MYCBP: variants seen among roughly 807,000 people sequenced by gnomAD.
The protein encoded by MYCBP is MYC binding protein, also known as C-Myc-binding protein.
MYCBP carries 5 observed loss-of-function variants against 16.8 expected under a neutral mutation model. The ratio of observed to expected loss-of-function variants is 0.30; its 90% CI spans 0.16 to 0.63. The LOEUF (loss-of-function observed/expected upper bound fraction) is 0.63. MYCBP is among the 20% of genes least tolerant of loss of function. The pLI is 0.83. For synonymous variants in MYCBP, 35 were observed against 43.7 expected (o/e 0.80, Z 0.79); for missense variants, 103 against 121.8 (o/e 0.85, Z 0.73).
At chr1:38,871,453 C>CA (rs1291936781) in intron 2 of MYCBP, among the ~76,000 whole-genome samples, 1 of 115,274 alleles carries the variant, frequency 8.7e-6, no homozygotes, top group Non-Finnish European at 1.8e-5. Context: ...TTTTTGGAGA[C>CA]AGAGTGTCAC....
chr1:38,873,211 G>A, intron 1 of MYCBP, 80 bp downstream of exon 1: 5 of 1,572,878 alleles, frequency 3.2e-6, no homozygotes, highest in Non-Finnish European at 4.3e-6. Context: ...AAACCTGCGC[G>A]CGCGACCCCA....
chr1:38,870,062 T>C (rs772160007), intron 2 of MYCBP, among the ~76,000 whole-genome samples: 4 of 145,522 alleles, frequency 2.7e-5, no homozygotes, highest in African/African-American at 7.6e-5. Context: ...CCCAGCTACT[T>C]GGGAGGCTGA....
intron 2 of MYCBP, among the ~76,000 whole-genome samples, chr1:38,868,785 A>G (rs555685701): frequency 2.0e-5 from 3 of 152,230 alleles, no homozygotes; most frequent in South Asian, 2.1e-4. Context: ...GGGCGGCTGT[A>G]GTCCCAGCTA....
intron 1 of MYCBP, 49 bp downstream of exon 1, chr1:38,873,242 G>C: frequency 6.3e-7 from 1 of 1,595,114 alleles, no homozygotes; most frequent in Non-Finnish European, 8.5e-7. Context: ...GAGCCGACCA[G>C]CGGCTTGCTA....
At position 38,873,337 on chromosome 1, in the gene MYCBP, G is replaced by T. The variant is rs1239698072; in HGVS notation, c.-32C>A. ...AGCGGCAGCGGCGTAGCTGGCGCCG[G>T]AGACCGCGACTGGCGGGTTGGGAGC... On this transcript the variant is annotated 5_prime_UTR_variant, in exon 1 of 5. Coordinates refer to ENST00000397572, the MANE Select transcript of MYCBP (RefSeq NM_012333.5). 1.9e-6 allele frequency: 3 copies of T among 1,598,622 alleles called. No homozygotes were observed. In the African/African-American group the frequency reaches 4.0e-5, roughly 21 times the overall value.
chr1:38,864,575 G>T lies in MYCBP; in HGVS notation c.*95C>A. On this transcript the variant is annotated 3_prime_UTR_variant, in exon 5 of 5. Transcript: ENST00000397572. ...TAGGTGAATTAAACATATTAAAAGA[G>T]TTCTATAGCATCTGTTCAGAAAAGA... 1 of 1,245,694 alleles carries T rather than the reference G, an allele frequency of 8.0e-7. No homozygotes were observed. Among genetic ancestry groups the T allele is most frequent in the Non-Finnish European group, 1.2e-6 (1 of 853,926 alleles). 77.2% of individuals were successfully genotyped at this position (1,245,694 alleles called of 1,614,324 possible). A position where few individuals can be genotyped will look rare whatever the true frequency, so the allele number is the denominator to read the frequency against.
chr1:38,870,201 G>A (rs577256367), intron 2 of MYCBP, among the ~76,000 whole-genome samples: 1 of 148,884 alleles, frequency 6.7e-6, no homozygotes, highest in African/African-American at 2.5e-5. Flanking sequence ...TTAAAAATCA[G>A]CCGGACATGG....
Position 38,873,331 on chromosome 1 carries a change from G to A in MYCBP, c.-26C>T. On this transcript the variant is annotated 5_prime_UTR_variant, in exon 1 of 5. Transcript: ENST00000397572. ...AGTGACAGCGGCAGCGGCGTAGCTG[G>A]CGCCGGAGACCGCGACTGGCGGGTT... is the stretch of plus-strand genomic sequence containing the variant. 1 of 1,599,354 alleles carries A rather than the reference G, an allele frequency of 6.3e-7. No individual in the cohort carries two copies. Among genetic ancestry groups the A allele is most frequent in the South Asian group, 1.1e-5 (1 of 90,554 alleles).
intron 4 of MYCBP, among the ~76,000 whole-genome samples, chr1:38,865,280 T>C (rs1012708417): frequency 2.6e-5 from 4 of 152,234 alleles, no homozygotes; most frequent in African/African-American, 9.6e-5. Flanking sequence ...AACTACCTGT[T>C]GGAGTTGAGA....
chr1:38,868,672 A>G (rs772163714), intron 2 of MYCBP, among the ~76,000 whole-genome samples: 161 of 152,254 alleles, frequency 1.1e-3, no homozygotes, highest in Middle Eastern at 3.4e-3. Context: ...TTGGGAGGCC[A>G]AGGCGGGCAG....
chr1:38,870,919 G>A (rs1642450893), intron 2 of MYCBP, among the ~76,000 whole-genome samples: 2 of 151,202 alleles, frequency 1.3e-5, no homozygotes, highest in South Asian at 4.2e-4. Context: ...ATGTTATTTA[G>A]GAGCCTGGAA....
At chr1:38,868,801 G>A (rs910988797) in intron 2 of MYCBP, among the ~76,000 whole-genome samples, 4 of 152,090 alleles carry the variant, frequency 2.6e-5, no homozygotes, top group Admixed American at 2.0e-4. Flanking sequence ...AGCTACTCAG[G>A]AGGCTGAGGC....
In MYCBP at chr1:38,866,924, T is replaced by C; in HGVS notation, c.223A>G (p.Lys75Glu). 6.3e-7 allele frequency: 1 copy of C among 1,588,848 alleles called. No homozygotes were observed. The highest frequency in any genetic ancestry group is 8.6e-7 in the Non-Finnish European group (1 of 1,169,252). ...TTTTCTTCTACAATAGCTTCATACT[T>C]CTCTTTCATTTCGGCCAGTTCTAGG... ...LRLELAEMKE[K>E]YEAIVEENKK... The change falls in exon 4 of 5, where the codon AAG becomes GAG. Residue 75 changes from lysine to glutamate, a missense_variant. By Grantham distance (56) the Lys-to-Glu change is moderately conservative (BLOSUM62 1). Transcript: ENST00000397572.
intron 2 of MYCBP, among the ~76,000 whole-genome samples, chr1:38,871,914 G>A (rs532483714): frequency 2.5e-4 from 38 of 152,210 alleles, no homozygotes; most frequent in Admixed American, 2.6e-4. Context: ...AGAAATGAAC[G>A]TAAGGAGTTT....
In MYCBP at chr1:38,864,419, T is replaced by G; in HGVS notation, c.*251A>C. ...ATCAGACTAATAAACAGAATGTCTT[T>G]TAAGGTAATGAGTTAGATGGCTGTG... On this transcript the variant is annotated 3_prime_UTR_variant, in exon 5 of 5. Coordinates refer to ENST00000397572, the MANE Select transcript of MYCBP (RefSeq NM_012333.5). The G allele has an allele frequency of 1.9e-6, 1 of 517,258 alleles. No homozygotes were observed. The highest frequency in any genetic ancestry group is 3.5e-6 in the Non-Finnish European group (1 of 287,166). The allele number at this position is 517,258 out of a possible 1,614,324, so 32.0% of individuals were successfully genotyped here.
At chr1:38,868,668 G>A (rs1355821977) in intron 2 of MYCBP, among the ~76,000 whole-genome samples, 1 of 152,138 alleles carries the variant, frequency 6.6e-6, no homozygotes, top group Non-Finnish European at 1.5e-5. Context: ...CACTTTGGGA[G>A]GCCAAGGCGG....
chr1:38,867,718 C>G, intron 2 of MYCBP, 108 bp from the exon 3 acceptor site: 1 of 897,344 alleles, frequency 1.1e-6, no homozygotes, highest in South Asian at 1.4e-5. Flanking sequence ...ACGCTGAGCA[C>G]ATTGCAAAGA....
chr1:38,873,019 C>G lies in MYCBP; in HGVS notation c.87G>C (p.Lys29Asn), dbSNP rs868345677. Residue 29 changes from lysine to asparagine, a missense_variant and splice_region_variant, in exon 2 of 5, where the codon AAG becomes AAC. Lys to Asn is a moderately conservative substitution (Grantham distance 94, BLOSUM62 0). Transcript: ENST00000397572. ...EKSGVLDTLT[K>N]VLVALYEEPE... The stretch of plus-strand genomic sequence containing the variant: ...TACCCTCTCCTAGCCCAGGCTCACC[C>G]TTGGTCAGCGTGTCCAGCACCCCCG... The G allele has an allele frequency of 6.4e-7, 1 of 1,574,342 alleles. No homozygotes were observed. Among genetic ancestry groups the G allele is most frequent in the African/African-American group, 1.4e-5 (1 of 73,630 alleles).
At chr1:38,871,218 C>T (rs947105380) in intron 2 of MYCBP, among the ~76,000 whole-genome samples, 3 of 152,142 alleles carry the variant, frequency 2.0e-5, no homozygotes, top group Non-Finnish European at 4.4e-5. Context: ...CCAGCCTGGG[C>T]AACATCTTCT....
Sources: gnomAD v4.1 joint callset for allele counts (sites outside exome capture counted in the v4.1 genomes callset) on GRCh38, gnomAD v4.1.1 for gene constraint, MANE v1.5 for transcripts, NCBI Gene and HGNC (gene_info 2026-07-23, HGNC 2026-07-21) for gene names.